The following P3H2 variants were observed in gnomAD, a reference collection of about 807,000 sequenced individuals.
The protein encoded by P3H2 is leprecan-like 1.
A neutral mutation model predicts 87.0 loss-of-function variants in P3H2; 80 were observed. The ratio of observed to expected loss-of-function variants is 0.92; its 90% CI spans 0.77 to 1.11. The LOEUF is 1.11. P3H2 is among the 50% of genes least tolerant of loss of function. The pLI is 0.00. For synonymous variants in P3H2, 367 were observed against 359.3 expected (o/e 1.02, Z -0.24); for missense variants, 1,001 against 923.9 (o/e 1.08, Z -1.08).
chr3:189,988,464 A>G (rs570313815), intron 4 of P3H2, among the ~76,000 whole-genome samples: 12 of 152,268 alleles, frequency 7.9e-5, no homozygotes, highest in Admixed American at 6.5e-4. Flanking sequence ...ATATACTCTG[A>G]GATGACTCTG....
intron 1 of P3H2, among the ~76,000 whole-genome samples, chr3:189,995,832 A>C (rs985562007): frequency 6.6e-6 from 1 of 152,200 alleles, no homozygotes; most frequent in African/African-American, 2.4e-5. Context: ...GAAGATATAC[A>C]ATTGGCCAAC....
chr3:190,048,982 C>T (rs908785157), intron 1 of P3H2, among the ~76,000 whole-genome samples: 15 of 152,172 alleles, frequency 9.9e-5, no homozygotes, highest in African/African-American at 3.6e-4. Flanking sequence ...CTGCCTCTCA[C>T]AGCTGTGTTG....
At chr3:190,095,837 C>T (rs899094377) in intron 1 of P3H2, among the ~76,000 whole-genome samples, 23 of 152,088 alleles carry the variant, frequency 1.5e-4, no homozygotes, top group African/African-American at 3.1e-4. Flanking sequence ...CTCCTGACCT[C>T]GTGATTCGCC....
At chr3:190,089,133 A>C (rs573592267) in intron 1 of P3H2, among the ~76,000 whole-genome samples, 1 of 152,338 alleles carries the variant, frequency 6.6e-6, no homozygotes, top group African/African-American at 2.4e-5. Context: ...GGAAGTTTCC[A>C]AATGAGTGAA....
At chr3:190,057,673 T>C (rs548705547) in intron 1 of P3H2, among the ~76,000 whole-genome samples, 55 of 152,332 alleles carry the variant, frequency 3.6e-4, no homozygotes, top group African/African-American at 8.9e-4. Context: ...GAGGGAAGGC[T>C]GAGGCAAACA....
intron 1 of P3H2, among the ~76,000 whole-genome samples, chr3:190,106,492 A>G (rs1433453921): frequency 1.3e-5 from 2 of 151,816 alleles, no homozygotes; most frequent in African/African-American, 2.4e-5. Context: ...TTTGCCCTTT[A>G]TATTCCCTTA....
At chr3:190,105,807 A>C (rs960440658) in intron 1 of P3H2, among the ~76,000 whole-genome samples, 1 of 152,212 alleles carries the variant, frequency 6.6e-6, no homozygotes, top group African/African-American at 2.4e-5. Flanking sequence ...AACTGGCCCA[A>C]TGCTGCCCTA....
At chr3:189,966,071 AAG>A (rs1445898764) in intron 13 of P3H2, among the ~76,000 whole-genome samples, 13 of 143,180 alleles carry the variant, frequency 9.1e-5, no homozygotes, top group African/African-American at 3.6e-4. Flanking sequence ...AAAGAGAAAG[AAG>A]GAAAGAAAGG....
At chr3:190,099,109 T>C (rs1007846105) in intron 1 of P3H2, among the ~76,000 whole-genome samples, 24 of 152,176 alleles carry the variant, frequency 1.6e-4, no homozygotes, top group African/African-American at 5.8e-4. Flanking sequence ...ATACTAGATC[T>C]AAAAGTAATT....
intron 3 of P3H2, among the ~76,000 whole-genome samples, chr3:189,993,322 CA>C (rs11337333): frequency 0.55 from 68,061 of 124,572 alleles, 17,402 homozygotes; most frequent in East Asian, 0.75. Flanking sequence ...AACTCTGTCT[CA>C]AAAAAAAAAA....
At chr3:189,967,999 T>C (rs1723052015) in intron 13 of P3H2, among the ~76,000 whole-genome samples, 1 of 152,220 alleles carries the variant, frequency 6.6e-6, no homozygotes, top group East Asian at 1.9e-4. Flanking sequence ...AGAAATAGCT[T>C]CTATAATGCC....
At chr3:190,043,100 AT>A (rs1725690141) in intron 1 of P3H2, among the ~76,000 whole-genome samples, 1 of 143,376 alleles carries the variant, frequency 7.0e-6, no homozygotes, top group Non-Finnish European at 1.5e-5. Flanking sequence ...AAATGAAACA[AT>A]TTCAAAATCA....
chr3:190,112,096 A>C (rs1489540848), intron 1 of P3H2, among the ~76,000 whole-genome samples: 1 of 152,182 alleles, frequency 6.6e-6, no homozygotes, highest in Non-Finnish European at 1.5e-5. Flanking sequence ...AATCCTCTAT[A>C]TTAGATGTGA....
At chr3:190,117,534 A>G (rs1014255557) in intron 1 of P3H2, among the ~76,000 whole-genome samples, 2 of 141,706 alleles carry the variant, frequency 1.4e-5, no homozygotes, top group African/African-American at 6.0e-5. Context: ...ACAGGGCACC[A>G]TGACCATATC....
chr3:190,028,869 C>T (rs1002918193), intron 1 of P3H2, among the ~76,000 whole-genome samples: 3 of 151,824 alleles, frequency 2.0e-5, no homozygotes, highest in Non-Finnish European at 2.9e-5. Context: ...CTTAAAAGCC[C>T]CAAACATACC....
chr3:189,979,139 A>G (rs1723446291), intron 8 of P3H2, among the ~76,000 whole-genome samples: 1 of 152,052 alleles, frequency 6.6e-6, no homozygotes, highest in Admixed American at 6.6e-5. Context: ...AAAACAAAAA[A>G]AGGGCAAGGC....
chr3:190,120,742 A>G lies in P3H2; in HGVS notation c.-11T>C, dbSNP rs982378321. ...GATGCGCTCCCGCATCCTCCGCCTCAGAGAGGCGCGGGACGGTTACGCTCG... is the reference window on the plus strand; with the variant it reads ...GATGCGCTCCCGCATCCTCCGCCTCGGAGAGGCGCGGGACGGTTACGCTCG... On this transcript the variant is annotated 5_prime_UTR_variant, in exon 1 of 15. Coordinates refer to ENST00000319332, the MANE Select transcript of P3H2 (RefSeq NM_018192.4). 31 of 1,518,310 alleles carry G rather than the reference A, an allele frequency of 2.0e-5. No homozygotes were observed. Among genetic ancestry groups the G allele is most frequent in the Non-Finnish European group, 2.2e-5 (25 of 1,140,384 alleles). 94.1% of individuals were successfully genotyped at this position (1,518,310 alleles called of 1,614,324 possible). A position where few individuals can be genotyped will look rare whatever the true frequency, so the allele number is the denominator to read the frequency against.
At chr3:190,083,758 C>T (rs975157833) in intron 1 of P3H2, among the ~76,000 whole-genome samples, 2 of 152,068 alleles carry the variant, frequency 1.3e-5, no homozygotes, top group South Asian at 4.2e-4. Flanking sequence ...TTTTTCTCTC[C>T]CTTTTGCCAA....
At chr3:189,970,097 T>TTGTG (rs36166104) in intron 13 of P3H2, among the ~76,000 whole-genome samples, 1,823 of 141,348 alleles carry the variant, frequency 0.013, 49 homozygotes, top group African/African-American at 0.045. Flanking sequence ...GTTTACATAT[T>TTGTG]TGTGTGTGTG....
Sources: gnomAD v4.1 joint callset for allele counts (sites outside exome capture counted in the v4.1 genomes callset) on GRCh38, gnomAD v4.1.1 for gene constraint, MANE v1.5 for transcripts, NCBI Gene and HGNC (gene_info 2026-07-23, HGNC 2026-07-21) for gene names.